Variants in CDYL2 observed in about 807,000 individuals in gnomAD.
The protein encoded by CDYL2 is chromodomain Y-like protein 2.
Under a neutral mutation model 49.4 loss-of-function variants are expected in CDYL2, and 23 were observed. The ratio of observed to expected loss-of-function variants is 0.47; its 90% CI spans 0.34 to 0.66. The LOEUF (loss-of-function observed/expected upper bound fraction) is 0.66. Among genes scored for constraint, CDYL2 ranks in the 30% least tolerant of loss-of-function variants. CDYL2 has a pLI of 0.01. For missense variants in CDYL2, 678 were observed against 656.4 expected, an observed-to-expected ratio of 1.03 and a Z score of -0.36; for synonymous variants, 360 against 268.8, an observed-to-expected ratio of 1.34 and a Z score of -3.32.
At chr16:80,624,216 T>C (rs527906462) in intron 3 of CDYL2, among the ~76,000 whole-genome samples, 215 of 152,342 alleles carry the variant, frequency 1.4e-3, no homozygotes, top group African/African-American at 4.9e-3. Context: ...AAGCCTATGA[T>C]GGAATCGGCT....
intron 2 of CDYL2, among the ~76,000 whole-genome samples, chr16:80,645,907 T>C (rs575185493): frequency 6.9e-6 from 1 of 145,924 alleles, no homozygotes; most frequent in Non-Finnish European, 1.5e-5. Flanking sequence ...ACACCGCATG[T>C]TCTCACTCAT....
intron 6 of CDYL2, 61 bp from the exon 7 acceptor site, chr16:80,604,607 T>C (rs1289663648): frequency 4.4e-5 from 70 of 1,584,902 alleles, no homozygotes; most frequent in Non-Finnish European, 6.0e-5. Context: ...CAGAACTAGG[T>C]ACCTGGCCCA....
intron 2 of CDYL2, among the ~76,000 whole-genome samples, chr16:80,682,706 C>G (rs367903274): frequency 6.6e-6 from 1 of 152,162 alleles, no homozygotes; most frequent in Non-Finnish European, 1.5e-5. Context: ...ACCCAAAGGG[C>G]CACAAAATCT....
At chr16:80,669,668 T>C (rs961445204) in intron 2 of CDYL2, among the ~76,000 whole-genome samples, 3 of 152,108 alleles carry the variant, frequency 2.0e-5, no homozygotes, top group Non-Finnish European at 4.4e-5. Context: ...CTAACTCTTA[T>C]CCTCTGGCTG....
chr16:80,657,505 T>G (rs576703443), intron 2 of CDYL2, among the ~76,000 whole-genome samples: 4 of 152,206 alleles, frequency 2.6e-5, no homozygotes, highest in Middle Eastern at 3.4e-3. Context: ...TACACAAAAA[T>G]GGCCCTTAAA....
At chr16:80,765,316 G>C (rs1244138967) in intron 1 of CDYL2, among the ~76,000 whole-genome samples, 4 of 151,546 alleles carry the variant, frequency 2.6e-5, no homozygotes, top group African/African-American at 9.7e-5. Context: ...CAGAACACCT[G>C]TAAGTTTAAA....
At chr16:80,759,539 G>C (rs568664376) in intron 1 of CDYL2, among the ~76,000 whole-genome samples, 74 of 152,210 alleles carry the variant, frequency 4.9e-4, no homozygotes, top group African/African-American at 1.8e-3. Context: ...CTGAATCAGT[G>C]GGCAGGAAAA....
chr16:80,738,671 T>C (rs375855482), intron 1 of CDYL2: 9 of 152,218 alleles, frequency 5.9e-5, no homozygotes, highest in East Asian at 5.8e-4. Context: ...GTGATAAAAA[T>C]ATGCTACAAT....
chr16:80,657,835 A>AAT (rs1215496476), intron 2 of CDYL2, among the ~76,000 whole-genome samples: 1 of 152,106 alleles, frequency 6.6e-6, no homozygotes, highest in East Asian at 1.9e-4. Flanking sequence ...CAATGGTACA[A>AAT]ATATATATAT....
chr16:80,760,629 A>C (rs74726688), intron 1 of CDYL2, among the ~76,000 whole-genome samples: 10,236 of 152,114 alleles, frequency 0.067, 494 homozygotes, highest in African/African-American at 0.13. Flanking sequence ...TCGCCACAAA[A>C]ATTAAAAATT....
At chr16:80,757,652 T>A (rs1039455471) in intron 1 of CDYL2, among the ~76,000 whole-genome samples, 1 of 151,742 alleles carries the variant, frequency 6.6e-6, no homozygotes, top group African/African-American at 2.4e-5. Context: ...ATCTATATAT[T>A]TATTTGACAT....
chr16:80,802,810 C>T (rs1371950594), intron 1 of CDYL2, among the ~76,000 whole-genome samples: 2 of 152,210 alleles, frequency 1.3e-5, no homozygotes, highest in African/African-American at 4.8e-5. Context: ...CAACTGCCCA[C>T]GAGGGCCTAG....
At chr16:80,695,015 T>A (rs1910565164) in intron 1 of CDYL2, among the ~76,000 whole-genome samples, 1 of 152,156 alleles carries the variant, frequency 6.6e-6, no homozygotes, top group African/African-American at 2.4e-5. Flanking sequence ...AGAATATATA[T>A]CCCAAAGAAT....
At chr16:80,678,997 T>C (rs1441089944) in intron 2 of CDYL2, among the ~76,000 whole-genome samples, 1 of 150,240 alleles carries the variant, frequency 6.7e-6, no homozygotes, top group East Asian at 2.0e-4. Context: ...TCATTCTCAG[T>C]AAACTATCGC....
At chr16:80,780,615 C>CA (rs1425669114) in intron 1 of CDYL2, among the ~76,000 whole-genome samples, 2 of 151,956 alleles carry the variant, frequency 1.3e-5, no homozygotes, top group Admixed American at 1.3e-4. Context: ...CCGTGTTAGC[C>CA]AGGATGGTCT....
intron 1 of CDYL2, among the ~76,000 whole-genome samples, chr16:80,771,459 T>G (rs1036970663): frequency 3.9e-5 from 6 of 152,252 alleles, no homozygotes; most frequent in Non-Finnish European, 8.8e-5. Context: ...ATCCCAGCAC[T>G]TCGGGAGGCC....
intron 2 of CDYL2, among the ~76,000 whole-genome samples, chr16:80,637,847 T>C (rs892402455): frequency 3.3e-5 from 5 of 152,186 alleles, no homozygotes; most frequent in African/African-American, 4.8e-5. Flanking sequence ...ACACATCCTA[T>C]GCGGGTATCT....
At chr16:80,772,208 C>A (rs987914811) in intron 1 of CDYL2, among the ~76,000 whole-genome samples, 2 of 151,806 alleles carry the variant, frequency 1.3e-5, no homozygotes, top group Non-Finnish European at 2.9e-5. Context: ...GAAAATTTTA[C>A]TAAAGGTAAT....
At chr16:80,769,741 G>A (rs188260114) in intron 1 of CDYL2, among the ~76,000 whole-genome samples, 7 of 152,146 alleles carry the variant, frequency 4.6e-5, no homozygotes, top group Admixed American at 2.0e-4. Flanking sequence ...TTATAGAGAC[G>A]ATAAAACTAA....
Sources: allele counts gnomAD v4.1 joint callset (sites outside exome capture counted in the v4.1 genomes callset), GRCh38; gene constraint gnomAD v4.1.1; transcripts MANE v1.5; gene names NCBI Gene and HGNC (gene_info 2026-07-23, HGNC 2026-07-21).